The following PPP2R2B variants were observed in gnomAD, a reference collection of about 807,000 sequenced individuals.
The protein encoded by PPP2R2B is protein phosphatase 2 regulatory subunit Bbeta, also known as serine/threonine-protein phosphatase 2A 55 kDa regulatory subunit B beta isoform.
In PPP2R2B, 5 loss-of-function variants were observed where a neutral mutation model predicts 46.0. The observed-to-expected ratio is 0.11, with a 90% CI of 0.06 to 0.23. PPP2R2B has a LOEUF of 0.23. PPP2R2B is among the 10% of genes least tolerant of loss of function. PPP2R2B has a pLI of 1.00. For missense variants in PPP2R2B, 367 were observed against 575.0 expected (o/e 0.64, Z 3.70); for synonymous variants, 215 against 206.7 (o/e 1.04, Z -0.34).
At chr5:146,785,375 T>G (rs1027592569) in intron 2 of PPP2R2B, among the ~76,000 whole-genome samples, 1 of 152,012 alleles carries the variant, frequency 6.6e-6, no homozygotes, top group Non-Finnish European at 1.5e-5. Flanking sequence ...AGTGAAACGC[T>G]GTCTCTACAA....
chr5:146,801,750 C>G (rs1280505388), intron 2 of PPP2R2B, among the ~76,000 whole-genome samples: 1 of 152,204 alleles, frequency 6.6e-6, no homozygotes, highest in Non-Finnish European at 1.5e-5. Flanking sequence ...AAGGGATGTA[C>G]AAATGCTTAG....
At chr5:146,806,720 C>A (rs113519932) in intron 2 of PPP2R2B, among the ~76,000 whole-genome samples, 2,688 of 152,310 alleles carry the variant, frequency 0.018, 27 homozygotes, top group Middle Eastern at 0.041. Context: ...AGTCACCAAC[C>A]AGGATAGTAT....
At chr5:146,794,633 A>G (rs1756409809) in intron 2 of PPP2R2B, among the ~76,000 whole-genome samples, 1 of 152,182 alleles carries the variant, frequency 6.6e-6, no homozygotes, top group Non-Finnish European at 1.5e-5. Flanking sequence ...TAAGCCCAGA[A>G]AAACATGGAA....
In PPP2R2B at chr5:147,034,970, G is replaced by A. The variant is rs561661427; in HGVS notation, c.79+20695C>T. Reference sequence around the variant, plus strand: ...GATGGTGGTAGAAGGAGGGAGGTGTGGGGTGGGGGGAGGAAGAGGAAGGGA... The same window carrying A: ...GATGGTGGTAGAAGGAGGGAGGTGTAGGGTGGGGGGAGGAAGAGGAAGGGA... On this transcript the variant is annotated intron_variant, in intron 1 of 8. Transcript: ENST00000336640. Among the ~76,000 whole-genome samples the A allele has an allele frequency of 4.6e-5, 7 of 152,138 alleles. No homozygotes were observed. The South Asian group carries it at 1.2e-3, about 27-fold the overall frequency.
At chr5:146,736,465 C>A (rs182401931) in intron 2 of PPP2R2B, among the ~76,000 whole-genome samples, 1 of 152,088 alleles carries the variant, frequency 6.6e-6, no homozygotes, top group African/African-American at 2.4e-5. Context: ...AACTGAGGCC[C>A]GGAGAGATAA....
chr5:146,809,341 T>G (rs1267561437), intron 2 of PPP2R2B, among the ~76,000 whole-genome samples: 1 of 152,160 alleles, frequency 6.6e-6, no homozygotes, highest in African/African-American at 2.4e-5. Context: ...CCAACTTTAA[T>G]TTCTCTGCTA....
intron 7 of PPP2R2B, among the ~76,000 whole-genome samples, chr5:146,629,641 T>C (rs1380511075): frequency 6.6e-6 from 1 of 152,158 alleles, no homozygotes; most frequent in Non-Finnish European, 1.5e-5. Context: ...AGTGCTCTGC[T>C]CTGGCCCATA....
intron 2 of PPP2R2B, among the ~76,000 whole-genome samples, chr5:146,829,799 A>T (rs1269203836): frequency 2.6e-5 from 4 of 152,162 alleles, no homozygotes; most frequent in African/African-American, 9.6e-5. Context: ...TGTAGGAAGG[A>T]CTTTTTTTTA....
upstream of PPP2R2B, among the ~76,000 whole-genome samples, chr5:146,881,613 A>G (rs368976371): frequency 3.5e-3 from 532 of 152,126 alleles, 8 homozygotes; most frequent in South Asian, 0.038. Flanking sequence ...GGGTTTTGCC[A>G]TGTTGGCCAG....
Position 146,584,270 on chromosome 5 carries a change from A to G in PPP2R2B, c.*5677T>C, listed in dbSNP as rs541913550. Reference sequence around the variant, plus strand: ...CAGCAGTTTAACCAATGGGGCATGGAATATCTAAATTGGGGGACAGTTAAT... The same window carrying G: ...CAGCAGTTTAACCAATGGGGCATGGGATATCTAAATTGGGGGACAGTTAAT... On this transcript the variant is annotated 3_prime_UTR_variant, in exon 10 of 10. Transcript: ENST00000394411. The G allele has an allele frequency of 6.6e-6, 1 of 152,306 alleles. No individual in the cohort carries two copies. The highest frequency in any genetic ancestry group is 1.9e-4 in the East Asian group (1 of 5,184). The allele number at this position is 152,306 out of a possible 1,614,324, so 9.4% of individuals were successfully genotyped here.
chr5:146,953,040 T>C (rs1023506553), intron 1 of PPP2R2B, among the ~76,000 whole-genome samples: 1 of 152,176 alleles, frequency 6.6e-6, no homozygotes, highest in Non-Finnish European at 1.5e-5. Context: ...AAACAATATT[T>C]AGAATCCCTG....
At chr5:146,656,645 C>T (rs1270371458) in intron 5 of PPP2R2B, 1 of 152,602 alleles carries the variant, frequency 6.6e-6, no homozygotes, top group African/African-American at 2.4e-5. Flanking sequence ...AGTGATCTTC[C>T]TGCCTCAGCC....
At chr5:146,812,820 TATATATATAC>T (rs755341448) in intron 2 of PPP2R2B, among the ~76,000 whole-genome samples, 1,499 of 91,622 alleles carry the variant, frequency 0.016, 97 homozygotes, top group Middle Eastern at 0.034. Context: ...TATATATATA[TATATATATAC>T]ACACACATTT....
intron 2 of PPP2R2B, among the ~76,000 whole-genome samples, chr5:146,717,996 A>G (rs111541983): frequency 2.6e-5 from 4 of 152,136 alleles, no homozygotes; most frequent in African/African-American, 7.2e-5. Flanking sequence ...TCTTTAATGC[A>G]TCTACCATAA....
At chr5:146,726,642 T>C (rs959127434) in intron 2 of PPP2R2B, among the ~76,000 whole-genome samples, 1 of 152,184 alleles carries the variant, frequency 6.6e-6, no homozygotes, top group African/African-American at 2.4e-5. Context: ...AACCAGTTAG[T>C]AGTGGAGCTA....
At chr5:146,731,900 A>G (rs966603381) in intron 2 of PPP2R2B, among the ~76,000 whole-genome samples, 1 of 152,112 alleles carries the variant, frequency 6.6e-6, no homozygotes, top group African/African-American at 2.4e-5. Context: ...GGTCATATTA[A>G]TTTCTCTAAC....
At chr5:146,655,634 C>A (rs1023152331) in intron 5 of PPP2R2B, among the ~76,000 whole-genome samples, 1 of 152,168 alleles carries the variant, frequency 6.6e-6, no homozygotes, top group Non-Finnish European at 1.5e-5. Flanking sequence ...TGAGGCAGGG[C>A]GAGTACTCAG....
chr5:146,779,397 T>C (rs1755374005), intron 2 of PPP2R2B, among the ~76,000 whole-genome samples: 1 of 152,092 alleles, frequency 6.6e-6, no homozygotes, highest in Non-Finnish European at 1.5e-5. Flanking sequence ...TGATGTACAG[T>C]GAGGCGTGCG....
At chr5:147,023,886 C>T (rs1034924991) in intron 1 of PPP2R2B, among the ~76,000 whole-genome samples, 1 of 151,916 alleles carries the variant, frequency 6.6e-6, no homozygotes, top group African/African-American at 2.4e-5. Flanking sequence ...GGAGATGGGA[C>T]ATCCATCTTT....
Sources: allele counts gnomAD v4.1 joint callset (sites outside exome capture counted in the v4.1 genomes callset), GRCh38; gene constraint gnomAD v4.1.1; transcripts MANE v1.5; gene names NCBI Gene and HGNC (gene_info 2026-07-23, HGNC 2026-07-21).